Variants in SLC22A3 observed in about 807,000 individuals in gnomAD.
The protein encoded by SLC22A3 is EMT organic cation transporter 3.
In SLC22A3, 51 loss-of-function variants were observed where a neutral mutation model predicts 59.1. The ratio of observed to expected loss-of-function variants is 0.86; its 90% confidence interval spans 0.69 to 1.09. The LOEUF (loss-of-function observed/expected upper bound fraction) is 1.09, where lower values mean the gene tolerates loss of function less well. Ranked by LOEUF, SLC22A3 falls within the 50% of genes least tolerant of loss-of-function variation. The pLI is 0.00. For missense variants in SLC22A3, 711 were observed against 726.3 expected, an observed-to-expected ratio of 0.98 and a Z score of 0.24; for synonymous variants, 325 against 292.0, an observed-to-expected ratio of 1.11 and a Z score of -1.15.
At chr6:160,393,181 C>T (rs866504376) in intron 1 of SLC22A3, among the ~76,000 whole-genome samples, 3 of 151,950 alleles carry the variant, frequency 2.0e-5, no homozygotes, top group Admixed American at 6.6e-5. Context: ...TAACCTAGAA[C>T]CCAGTGGAAA....
intron 5 of SLC22A3, chr6:160,426,374 A>G (rs1787953582): frequency 1.0e-6 from 1 of 984,014 alleles, no homozygotes; most frequent in South Asian, 4.7e-5. Context: ...GTTACTTAAG[A>G]CTCTGTGCAT....
intron 5 of SLC22A3, among the ~76,000 whole-genome samples, 160 bp downstream of exon 5, chr6:160,411,006 T>A (rs966580559): frequency 1.3e-4 from 20 of 151,320 alleles, no homozygotes; most frequent in African/African-American, 4.6e-4. Context: ...ACACACACAC[T>A]ACCAAACATC....
chr6:160,427,555 A>G (rs948687649), intron 5 of SLC22A3, among the ~76,000 whole-genome samples: 2 of 152,210 alleles, frequency 1.3e-5, no homozygotes, highest in African/African-American at 4.8e-5. Flanking sequence ...TGGCGAGTGG[A>G]CAGGTGGTCT....
rs1298193124 is a variant in SLC22A3, at chr6:160,376,243, C to A, written c.430-21736C>A. 2.6e-5 allele frequency among the ~76,000 whole-genome samples: 4 copies of A among 152,028 alleles called. No homozygotes were observed. The East Asian group carries it at 7.8e-4, about 29-fold the overall frequency. ...CATCCTCAGCAAACTAACACAGGAA[C>A]AGAAAACCAAACACCACATGTTCTC... On this transcript the variant is annotated intron_variant, in intron 1 of 10. Transcript: ENST00000275300.
At position 160,410,831 on chromosome 6, in the gene SLC22A3, A is replaced by AG; in HGVS notation, c.960_961insG (p.Ser321ValfsTer11). ...CTAAGTGCAATGGGAAATACCTCTC[A>AG]TCAAATTACTCAGAGGTAATTTCTT... On this transcript the variant is annotated frameshift_variant, in exon 5 of 11. Coordinates refer to ENST00000275300, the MANE Select transcript of SLC22A3 (RefSeq NM_021977.4). LOFTEE classifies it high-confidence loss of function. 1 of 1,600,568 alleles carries AG rather than the reference A, an allele frequency of 6.2e-7. No individual in the cohort carries two copies. Among genetic ancestry groups the AG allele is most frequent in the Non-Finnish European group, 8.6e-7 (1 of 1,168,096 alleles).
At chr6:160,402,659 T>C (rs1332482898) in intron 2 of SLC22A3, among the ~76,000 whole-genome samples, 1 of 151,776 alleles carries the variant, frequency 6.6e-6, no homozygotes, top group South Asian at 2.1e-4. Context: ...ATAAAACATA[T>C]ATTAGCAAAT....
In SLC22A3 at chr6:160,451,849, A is replaced by C. The variant is rs1376474760; in HGVS notation, c.*793A>C. On this transcript the variant is annotated 3_prime_UTR_variant, in exon 11 of 11. Coordinates refer to ENST00000275300, the MANE Select transcript of SLC22A3 (RefSeq NM_021977.4). ...CCTAGAGCCACAGATTCCCTTCTTT[A>C]CTAAACAAATCCCATGGATTCTGAT... 2.0e-5 allele frequency: 3 copies of C among 152,178 alleles called. No individual in the cohort carries two copies. The highest frequency in any genetic ancestry group is 2.9e-5 in the Non-Finnish European group (2 of 68,024). 9.4% of individuals were successfully genotyped at this position (152,178 alleles called of 1,614,324 possible). A position where few individuals can be genotyped will look rare whatever the true frequency, so the allele number is the denominator to read the frequency against.
At chr6:160,411,183 C>G (rs1210385244) in intron 5 of SLC22A3, among the ~76,000 whole-genome samples, 1 of 152,154 alleles carries the variant, frequency 6.6e-6, no homozygotes, top group Non-Finnish European at 1.5e-5. Flanking sequence ...AATTATTATA[C>G]TTTACTTACT....
chr6:160,351,155 G>C (rs1287688800), intron 1 of SLC22A3, among the ~76,000 whole-genome samples: 2 of 152,068 alleles, frequency 1.3e-5, no homozygotes, highest in East Asian at 3.8e-4. Context: ...TCTCTCTGTC[G>C]CCCAGGCTGG....
chr6:160,349,997 G>A (rs1162141438), intron 1 of SLC22A3, among the ~76,000 whole-genome samples: 1 of 152,186 alleles, frequency 6.6e-6, no homozygotes, highest in Non-Finnish European at 1.5e-5. Context: ...AGCTTATCTC[G>A]CTGCAGTTGG....
intron 1 of SLC22A3, among the ~76,000 whole-genome samples, chr6:160,385,573 C>A (rs1785970106): frequency 6.6e-6 from 1 of 152,222 alleles, no homozygotes; most frequent in African/African-American, 2.4e-5. Flanking sequence ...TCAACACACA[C>A]CTGCACCCAG....
chr6:160,450,871 C>T, intron 10 of SLC22A3, 125 bp from the exon 11 acceptor site: 2 of 889,898 alleles, frequency 2.2e-6, no homozygotes, highest in Non-Finnish European at 3.6e-6. Flanking sequence ...ATTGTTGTTA[C>T]CTTAGAGTTG....
chr6:160,348,542 C>T lies in SLC22A3; in HGVS notation c.123C>T (p.Phe41=), dbSNP rs1784547913. ...CCTTCCTCTTCGTCGGCGTGGTCTT[C>T]CTGGGCACGCAGCCCGACCACTACT... ...TFAFLFVGVV[F]LGTQPDHYWC... The change falls in exon 1 of 11, where the codon TTC becomes TTT. Residue 41 remains phenylalanine (F), a synonymous_variant. Transcript: ENST00000275300. 1.3e-6 allele frequency: 2 copies of T among 1,558,732 alleles called. No individual in the cohort carries two copies. Among genetic ancestry groups the T allele is most frequent in the Non-Finnish European group, 1.7e-6 (2 of 1,161,600 alleles).
At chr6:160,404,970 TGGG>T (rs1211364186) in intron 2 of SLC22A3, among the ~76,000 whole-genome samples, 1 of 149,030 alleles carries the variant, frequency 6.7e-6, no homozygotes, top group Non-Finnish European at 1.5e-5. Flanking sequence ...TCCTAGAGGA[TGGG>T]ATAGGAAAAA....
intron 1 of SLC22A3, among the ~76,000 whole-genome samples, chr6:160,383,645 C>G (rs1296017907): frequency 6.6e-6 from 1 of 151,872 alleles, no homozygotes; most frequent in Non-Finnish European, 1.5e-5. Flanking sequence ...AATGTGAAAA[C>G]AAACTCACCA....
chr6:160,437,285 C>A, intron 7 of SLC22A3, 74 bp downstream of exon 7: 1 of 1,427,944 alleles, frequency 7.0e-7, no homozygotes, highest in South Asian at 1.1e-5. Context: ...GTATAGGGAG[C>A]CACTTGTTCT....
chr6:160,361,925 G>C (rs924928445), intron 1 of SLC22A3, among the ~76,000 whole-genome samples: 1 of 152,198 alleles, frequency 6.6e-6, no homozygotes, highest in African/African-American at 2.4e-5. Context: ...TCTAATACTA[G>C]GTCAGTTTCT....
chr6:160,363,949 G>A (rs1785114497), intron 1 of SLC22A3, among the ~76,000 whole-genome samples: 1 of 151,866 alleles, frequency 6.6e-6, no homozygotes. Context: ...CGAACTTTCA[G>A]TATTAAAACC....
At chr6:160,389,876 C>T (rs1408291279) in intron 1 of SLC22A3, among the ~76,000 whole-genome samples, 2 of 152,120 alleles carry the variant, frequency 1.3e-5, no homozygotes, top group African/African-American at 2.4e-5. Flanking sequence ...AGCACTGGCT[C>T]CAGCAGGGAT....
Sources: gnomAD v4.1 joint callset for allele counts (sites outside exome capture counted in the v4.1 genomes callset) on GRCh38, gnomAD v4.1.1 for gene constraint, MANE v1.5 for transcripts, NCBI Gene and HGNC (gene_info 2026-07-23, HGNC 2026-07-21) for gene names.